The following NHS variants were observed in gnomAD, a reference collection of about 807,000 sequenced individuals.
The protein encoded by NHS is actin remodeling regulator NHS.
In NHS, 5 loss-of-function variants were observed where a neutral mutation model predicts 72.5. The ratio of observed to expected loss-of-function variants is 0.07; its 90% confidence interval spans 0.04 to 0.14. NHS has a LOEUF of 0.14. Among genes scored for constraint, NHS ranks in the 10% least tolerant of loss-of-function variants. The pLI is 1.00. For missense variants in NHS, 1,072 were observed against 1,355.7 expected, an observed-to-expected ratio of 0.79 and a Z score of 3.29; for synonymous variants, 464 against 547.7, an observed-to-expected ratio of 0.85 and a Z score of 2.13.
At chrX:17,434,420 G>A (rs1209788203) in intron 1 of NHS, among the ~76,000 whole-genome samples, 1 of 109,179 alleles carries the variant, frequency 9.2e-6, no homozygotes, top group Non-Finnish European at 1.9e-5. Context: ...AAGACACCAA[G>A]CACATTCATT....
At chrX:17,606,482 A>G (rs1022027116) in intron 1 of NHS, among the ~76,000 whole-genome samples, 4 of 112,071 alleles carry the variant, frequency 3.6e-5, no homozygotes, top group African/African-American at 1.3e-4. Context: ...CTCTTCAAAC[A>G]TAAGTTTGCA....
rs145304443 is a variant in NHS at position 17,622,432 on chromosome X, A to G, written c.566-65310A>G. On this transcript the variant is annotated intron_variant, in intron 1 of 8. Coordinates refer to ENST00000676302, the MANE Select transcript of NHS (RefSeq NM_001291867.2). ...GCTTAAGAGAGAAAATGAGTCTGTC[A>G]GTTATGAAGAGTCTGCCAACTGCCT... Among the ~76,000 whole-genome samples the G allele has an allele frequency of 4.2e-3, 473 of 112,176 alleles. 3 individuals are homozygous for G. Among genetic ancestry groups the G allele is most frequent in the African/African-American group, 0.014 (443 of 30,893 alleles).
chrX:17,595,023 C>T (rs1387523713), intron 1 of NHS, among the ~76,000 whole-genome samples: 1 of 112,077 alleles, frequency 8.9e-6, no homozygotes, highest in Non-Finnish European at 1.9e-5. Context: ...AGCCAACACT[C>T]ATAGCTGGTG....
chrX:17,376,771 G>A (rs1370818700), intron 1 of NHS, among the ~76,000 whole-genome samples: 1 of 112,450 alleles, frequency 8.9e-6, no homozygotes, highest in Non-Finnish European at 1.9e-5. Flanking sequence ...TTCAGGGTTG[G>A]GGGTTCCAGG....
At chrX:17,498,993 A>G (rs765066394) in intron 1 of NHS, among the ~76,000 whole-genome samples, 12 of 111,841 alleles carry the variant, frequency 1.1e-4, no homozygotes, top group African/African-American at 2.0e-4. Context: ...CTTAAACATA[A>G]TACAGTAAAC....
At chrX:17,458,387 C>T (rs1049756923) in intron 1 of NHS, among the ~76,000 whole-genome samples, 1 of 111,313 alleles carries the variant, frequency 9.0e-6, no homozygotes, top group African/African-American at 3.3e-5. Flanking sequence ...CACTACCACA[C>T]CTGGCTAATT....
intron 3 of NHS, among the ~76,000 whole-genome samples, chrX:17,712,584 A>C (rs1336277548): frequency 9.2e-6 from 1 of 108,472 alleles, no homozygotes; most frequent in South Asian, 4.1e-4. Flanking sequence ...TATGGTGGTT[A>C]AAGAAATAAC....
rs143616227 is a variant in NHS at position 17,619,399 on chromosome X, A to G, written c.566-68343A>G. 6.4e-3 allele frequency among the ~76,000 whole-genome samples: 718 copies of G among 111,385 alleles called. 11 individuals carry two copies. Among genetic ancestry groups the G allele is most frequent in the African/African-American group, 0.022 (666 of 29,882 alleles). On this transcript the variant is annotated intron_variant, in intron 1 of 8. Coordinates refer to ENST00000676302, the MANE Select transcript of NHS (RefSeq NM_001291867.2). Reference sequence around the variant, plus strand: ...TGCCTAAAGCCAGTGAAATATGAGAATTGTTTGTTACACTAGTTAGCCCAC... The same window carrying G: ...TGCCTAAAGCCAGTGAAATATGAGAGTTGTTTGTTACACTAGTTAGCCCAC...
chrX:17,548,545 C>G (rs139365267), intron 1 of NHS, among the ~76,000 whole-genome samples: 76 of 111,389 alleles, frequency 6.8e-4, no homozygotes, highest in African/African-American at 2.4e-3. Context: ...CTGCTAGAAA[C>G]TAGGGCCATG....
intron 1 of NHS, among the ~76,000 whole-genome samples, chrX:17,484,907 A>G (rs2064961194): frequency 9.0e-6 from 1 of 111,318 alleles, no homozygotes; most frequent in African/African-American, 3.3e-5. Context: ...CAAAGCATCA[A>G]AAATACAGAA....
At chrX:17,478,974 A>G (rs1489794971) in intron 1 of NHS, among the ~76,000 whole-genome samples, 1 of 111,621 alleles carries the variant, frequency 9.0e-6, no homozygotes, top group East Asian at 2.8e-4. Flanking sequence ...TTACATAGGT[A>G]TACACATGCC....
intron 1 of NHS, among the ~76,000 whole-genome samples, chrX:17,599,835 A>C (rs1260365441): frequency 9.0e-6 from 1 of 111,185 alleles, no homozygotes; most frequent in Non-Finnish European, 1.9e-5. Flanking sequence ...TACCTAGCAT[A>C]AACCTTTATG....
chrX:17,489,433 C>T (rs1423641588), intron 1 of NHS, among the ~76,000 whole-genome samples: 2 of 112,362 alleles, frequency 1.8e-5, no homozygotes, highest in East Asian at 5.6e-4. Context: ...TCCTATTTCT[C>T]CACATCGTCT....
At chrX:17,546,096 T>G (rs2065291688) in intron 1 of NHS, among the ~76,000 whole-genome samples, 2 of 111,924 alleles carry the variant, frequency 1.8e-5, no homozygotes, top group Admixed American at 1.9e-4. Flanking sequence ...GAGGAGGAAG[T>G]GCTGCCTGGC....
At position 17,727,454 on chromosome X, in the gene NHS, G is replaced by T. The variant is rs747274990; in HGVS notation, c.3348G>T (p.Gln1116His). 8.3e-7 allele frequency: 1 copy of T among 1,211,388 alleles called. No individual in the cohort carries two copies. The highest frequency in any genetic ancestry group is 2.2e-5 in the Admixed American group (1 of 46,039). The change falls in exon 7 of 9, where the codon CAG becomes CAT. Residue 1116 changes from glutamine to histidine, a missense_variant. Transcript: ENST00000676302. ...TGCATGTTTTTACTCATAATAAGCA[G>T]AACACAGTAGGAGAAACACTGAGGT... ...HPLHVFTHNKQNTVGETLRSN... is the reference protein window; with the variant it reads ...HPLHVFTHNKHNTVGETLRSN...
intron 1 of NHS, among the ~76,000 whole-genome samples, chrX:17,484,917 A>G (rs1404672253): frequency 9.0e-6 from 1 of 111,430 alleles, no homozygotes; most frequent in African/African-American, 3.3e-5. Context: ...AAAATACAGA[A>G]TTAATGCAAA....
chrX:17,404,803 G>GTC (rs368840034), intron 1 of NHS, among the ~76,000 whole-genome samples: 5,329 of 96,397 alleles, frequency 0.055, 291 homozygotes, highest in African/African-American at 0.15. Context: ...GTAACACTCT[G>GTC]TCTCTCTCTC....
In NHS at chrX:17,733,183, TAATG is replaced by T. The variant is rs1569322708; in HGVS notation, c.*723_*726del. On this transcript the variant is annotated 3_prime_UTR_variant, in exon 9 of 9. Coordinates refer to ENST00000676302, the MANE Select transcript of NHS (RefSeq NM_001291867.2). ...ATACTGAAATATGAATAAATTAAAA[TAATG>T]AATTCAGATCTAATCATTTTTATGA... 1 of 113,085 alleles carries T rather than the reference TAATG, an allele frequency of 8.8e-6. No homozygotes were observed. The highest frequency in any genetic ancestry group is 1.9e-5 in the Non-Finnish European group (1 of 53,484). 9.3% of individuals were successfully genotyped at this position (113,085 alleles called of 1,213,427 possible).
At chrX:17,693,024 G>A (rs1027979184) in intron 3 of NHS, among the ~76,000 whole-genome samples, 27 of 111,850 alleles carry the variant, frequency 2.4e-4, no homozygotes, top group African/African-American at 8.1e-4. Flanking sequence ...TAAGTGATAC[G>A]AAAAATTACC....
Sources: gnomAD v4.1 joint callset for allele counts (sites outside exome capture counted in the v4.1 genomes callset) on GRCh38, gnomAD v4.1.1 for gene constraint, MANE v1.5 for transcripts, NCBI Gene and HGNC (gene_info 2026-07-23, HGNC 2026-07-21) for gene names.